PIGG: variants seen among roughly 807,000 people sequenced by gnomAD.
PIGG encodes phosphatidylinositol glycan anchor biosynthesis class G (EMM blood group).
In PIGG, 70 loss-of-function variants were observed where a neutral mutation model predicts 83.2. That is an observed-to-expected ratio of 0.84 (90% CI 0.69 to 1.03). PIGG has a LOEUF of 1.03. PIGG is among the 50% of genes least tolerant of loss of function. PIGG has a pLI of 0.00. For synonymous variants in PIGG, 532 were observed against 519.5 expected (o/e 1.02, Z -0.33); for missense variants, 1,257 against 1,233.6 (o/e 1.02, Z -0.28).
In PIGG at chr4:499,329, G is replaced by A; in HGVS notation, c.-7G>A. On this transcript the variant is annotated 5_prime_UTR_variant, in exon 1 of 13. Transcript: ENST00000453061. Reference sequence around the variant, plus strand: ...GTCGGTTCCGCATCCAGCCTAGCGTGTCCACGATGCGGCTGGGCTCCGGGA... The same window carrying A: ...GTCGGTTCCGCATCCAGCCTAGCGTATCCACGATGCGGCTGGGCTCCGGGA... 3.1e-6 allele frequency: 5 copies of A among 1,606,432 alleles called. No homozygotes were observed. Among genetic ancestry groups the A allele is most frequent in the South Asian group, 1.1e-5 (1 of 90,876 alleles).
intron 9 of PIGG, 130 bp downstream of exon 9, chr4:524,043 T>C (rs557750438): frequency 4.0e-5 from 25 of 623,150 alleles, no homozygotes; most frequent in Admixed American, 9.5e-5. Flanking sequence ...ATCTGAAGAA[T>C]TGGGAAAATA....
intron 6 of PIGG, among the ~76,000 whole-genome samples, chr4:520,157 A>G (rs1281619374): frequency 1.3e-5 from 2 of 152,160 alleles, no homozygotes; most frequent in African/African-American, 2.4e-5. Context: ...GCAGAGCCAC[A>G]GGGTGGGGCG....
At chr4:538,610 G>A (rs545670276) in intron 12 of PIGG, among the ~76,000 whole-genome samples, 9 of 152,360 alleles carry the variant, frequency 5.9e-5, no homozygotes, top group African/African-American at 2.2e-4. Context: ...GACGGTGGCA[G>A]ACAGTGGCTG....
At chr4:529,492 A>G (rs1414098724) in intron 10 of PIGG, among the ~76,000 whole-genome samples, 1 of 152,208 alleles carries the variant, frequency 6.6e-6, no homozygotes, top group Non-Finnish European at 1.5e-5. Flanking sequence ...AAAATCTAAT[A>G]TAGGAAAATT....
rs1457086360 is a variant in PIGG at position 528,617 on chromosome 4, G to C, written c.2261+1387G>C. 4.1e-6 allele frequency: 4 copies of C among 985,242 alleles called. No homozygotes were observed. The highest frequency in any genetic ancestry group is 4.8e-6 in the Non-Finnish European group (4 of 829,886). The allele number at this position is 985,242 out of a possible 1,614,324, so 61.0% of individuals were successfully genotyped here. A position where few individuals can be genotyped will look rare whatever the true frequency, so the allele number is the denominator to read the frequency against. ...GGTGTTCTGTGGAGATGTCTCAAAG[G>C]CTGTTGACTTTGGAATCTGAGACTT... On this transcript the variant is annotated intron_variant, in intron 10 of 12. Transcript: ENST00000453061. This position sits in a 1 kb window ranked among gnomAD's most constrained non-coding sequence, Gnocchi z 4.8.
At chr4:503,314 A>T (rs1013696265) in intron 2 of PIGG, among the ~76,000 whole-genome samples, 1 of 150,494 alleles carries the variant, frequency 6.6e-6, no homozygotes, top group Admixed American at 6.6e-5. Flanking sequence ...ACCCTGCTAC[A>T]CTACTCTTTA....
chr4:513,402 C>A (rs1722869828), intron 5 of PIGG, among the ~76,000 whole-genome samples: 1 of 152,120 alleles, frequency 6.6e-6, no homozygotes, highest in African/African-American at 2.4e-5. Flanking sequence ...ACTTCAGAGA[C>A]CTTCAGCCCA....
chr4:511,679 A>G (rs1405133252), intron 5 of PIGG, among the ~76,000 whole-genome samples: 4 of 152,270 alleles, frequency 2.6e-5, no homozygotes, highest in African/African-American at 9.6e-5. Context: ...TAATTATATG[A>G]TTACCTTTAC....
At position 527,298 on chromosome 4, in the gene PIGG, C is replaced by A; in HGVS notation, c.2261+68C>A. 2 of 1,469,490 alleles carry A rather than the reference C, an allele frequency of 1.4e-6. 1 individual carries two copies. The highest frequency in any genetic ancestry group is 2.9e-5 in the South Asian group (2 of 69,348). The allele number at this position is 1,469,490 out of a possible 1,614,324, so 91.0% of individuals were successfully genotyped here. ...GTTTGAAGAACTGGCGGACACGGGG[C>A]GCGTGGAACCACTTCACTGTTTGAT... is the stretch of plus-strand genomic sequence containing the variant. On this transcript the variant is annotated intron_variant, in intron 10 of 12. Transcript: ENST00000453061.
In PIGG at chr4:523,451, T is replaced by G. The variant is rs746393944; in HGVS notation, c.1615-8T>G. The G allele has an allele frequency of 6.3e-6, 10 of 1,592,186 alleles. No individual in the cohort carries two copies. Among genetic ancestry groups the G allele is most frequent in the Admixed American group, 5.1e-5 (3 of 58,344 alleles). On this transcript the variant is annotated splice_polypyrimidine_tract_variant and splice_region_variant and intron_variant, in intron 8 of 12. Coordinates refer to ENST00000453061, the MANE Select transcript of PIGG (RefSeq NM_001127178.3). ...CGTCTCTTACAAAGTGCACTTTCCT[T>G]TTCACAGAACCCCATGCATCCCAGC...
rs78186247 is a variant in PIGG at position 506,615 on chromosome 4, G to A, written c.570+688G>A. ...GACTGAGTTTTCCTGACTATATATG[G>A]CATCACTGAGAAACACTTCTCTTCA... On this transcript the variant is annotated intron_variant, in intron 3 of 12. Coordinates refer to ENST00000453061, the MANE Select transcript of PIGG (RefSeq NM_001127178.3). The A allele has an allele frequency of 4.3e-4, 153 of 353,380 alleles. 1 individual carries two copies. The East Asian group carries it at 0.01, about 24-fold the overall frequency. 21.9% of individuals were successfully genotyped at this position (353,380 alleles called of 1,614,324 possible). A position where few individuals can be genotyped will look rare whatever the true frequency, so the allele number is the denominator to read the frequency against.
At position 507,495 on chromosome 4, in the gene PIGG, A is replaced by G; in HGVS notation, c.661A>G (p.Ile221Val). ...LILHYLGLDH[I>V]GHISGPNSPL... ...CCTCCACTACCTGGGGCTGGACCAC[A>G]TTGGCCACATTTCAGGGCCCAACAG... The change falls in exon 4 of 13, where the codon ATT becomes GTT. Residue 221 changes from isoleucine (I) to valine (V), a missense_variant. By Grantham distance (29) the Ile-to-Val change is conservative. Coordinates refer to ENST00000453061, the MANE Select transcript of PIGG (RefSeq NM_001127178.3). 1 of 1,614,118 alleles carries G rather than the reference A, an allele frequency of 6.2e-7. No homozygotes were observed. The highest frequency in any genetic ancestry group is 8.5e-7 in the Non-Finnish European group (1 of 1,179,934).
chr4:502,845 A>G (rs1718238681), intron 2 of PIGG, among the ~76,000 whole-genome samples: 1 of 152,024 alleles, frequency 6.6e-6, no homozygotes, highest in South Asian at 2.1e-4. Context: ...AAATGTTGTA[A>G]ACAAAGTCAA....
rs1404142884 is a variant in PIGG at position 539,912 on chromosome 4, C to G, written c.*543C>G. 6.6e-6 allele frequency: 1 copy of G among 152,414 alleles called. No homozygotes were observed. The highest frequency in any genetic ancestry group is 6.5e-5 in the Admixed American group (1 of 15,290). The allele number at this position is 152,414 out of a possible 1,614,324, so 9.4% of individuals were successfully genotyped here. On this transcript the variant is annotated 3_prime_UTR_variant, in exon 13 of 13. Coordinates refer to ENST00000453061, the MANE Select transcript of PIGG (RefSeq NM_001127178.3). ...TCCAAAACAAAAAAATTCAGTGAGA[C>G]CCAGCACTTTGGGAGGCCAGAGTGG...
intron 5 of PIGG, among the ~76,000 whole-genome samples, chr4:510,088 A>G (rs1553882478): frequency 6.6e-6 from 1 of 152,170 alleles, no homozygotes; most frequent in Non-Finnish European, 1.5e-5. Flanking sequence ...GCAGCGCTAG[A>G]GGAATTAAAG....
chr4:510,624 G>A (rs1553882894), intron 5 of PIGG, among the ~76,000 whole-genome samples: 1 of 152,226 alleles, frequency 6.6e-6, no homozygotes, highest in Non-Finnish European at 1.5e-5. Context: ...CGTGCAGGCT[G>A]CCTGCAAGTG....
chr4:520,305 C>T (rs916619354), intron 6 of PIGG, among the ~76,000 whole-genome samples: 20 of 152,190 alleles, frequency 1.3e-4, no homozygotes, highest in Non-Finnish European at 2.8e-4. Context: ...AGTGTGGTCC[C>T]GGCAGAGGCT....
chr4:512,356 A>T (rs1722299556), intron 5 of PIGG, among the ~76,000 whole-genome samples: 2 of 150,020 alleles, frequency 1.3e-5, no homozygotes, highest in African/African-American at 2.5e-5. Flanking sequence ...AGTAGCTGGG[A>T]TTACAGGCAC....
At position 524,329 on chromosome 4, in the gene PIGG, A is replaced by C. The variant is rs373957252; in HGVS notation, c.2069+416A>C. ...TCAGGCCATTCGTGTGTTGCTATAA[A>C]GAAACACCTGAGGCCGGGTCACATG... On this transcript the variant is annotated intron_variant, in intron 9 of 12. Coordinates refer to ENST00000453061, the MANE Select transcript of PIGG (RefSeq NM_001127178.3). 7.5e-4 allele frequency among the ~76,000 whole-genome samples: 114 copies of C among 152,308 alleles called. 1 individual carries two copies. The highest frequency in any genetic ancestry group is 2.6e-3 in the African/African-American group (110 of 41,566).
Sources: gnomAD v4.1 joint callset for allele counts (sites outside exome capture counted in the v4.1 genomes callset) on GRCh38, gnomAD v4.1.1 for gene constraint, Gnocchi (gnomAD v3.1) non-coding constraint, MANE v1.5 for transcripts, NCBI Gene and HGNC (gene_info 2026-07-23, HGNC 2026-07-21) for gene names.